SLC5A10: variants seen among roughly 807,000 people sequenced by gnomAD.
SLC5A10 encodes the protein sodium/mannose cotransporter SLC5A10.
A neutral mutation model predicts 68.9 loss-of-function variants in SLC5A10; 55 were observed. That is an observed-to-expected ratio of 0.80 (90% CI 0.64 to 1.00). The LOEUF (loss-of-function observed/expected upper bound fraction) is 1.00. Ranked by LOEUF, SLC5A10 falls within the 50% of genes least tolerant of loss-of-function variation. The pLI, the probability that SLC5A10 is intolerant of heterozygous loss-of-function variation, is 0.00. For synonymous variants in SLC5A10, 344 were observed against 344.8 expected, an observed-to-expected ratio of 1.00 and a Z score of 0.02; for missense variants, 732 against 819.3, an observed-to-expected ratio of 0.89 and a Z score of 1.30.
Position 18,988,110 on chromosome 17 carries a change from A to G in SLC5A10, c.982+11121A>G, listed in dbSNP as rs572018501. The stretch of plus-strand genomic sequence containing the variant: ...AGCAGTGGCTATGTGACTGCTTGGC[A>G]GGAGGCTCTAGGATTACTGGACTCT... On this transcript the variant is annotated intron_variant, in intron 9 of 14. Transcript: ENST00000395645. 5.3e-6 allele frequency: 7 copies of G among 1,321,676 alleles called. No homozygotes were observed. The East Asian group carries it at 1.5e-4, about 28-fold the overall frequency. 81.9% of individuals were successfully genotyped at this position (1,321,676 alleles called of 1,614,324 possible).
rs965424583 is a variant in SLC5A10, at chr17:19,017,024, G to C, written c.1241+1825G>C. Reference sequence around the variant, plus strand: ...ACCTGCAACCAAAAGTCTTGACCTGGCCTCCTGCTGCGCCAGCTCACCCAG... The same window carrying C: ...ACCTGCAACCAAAAGTCTTGACCTGCCCTCCTGCTGCGCCAGCTCACCCAG... On this transcript the variant is annotated intron_variant, in intron 11 of 14. Transcript: ENST00000395645. The surrounding 1 kb of genome is among the most constrained non-coding windows in gnomAD (Gnocchi z 5.6). Among the ~76,000 whole-genome samples the C allele has an allele frequency of 6.6e-6, 1 of 152,104 alleles. No homozygotes were observed. The highest frequency in any genetic ancestry group is 1.5e-5 in the Non-Finnish European group (1 of 68,018).
At position 18,978,865 on chromosome 17, in the gene SLC5A10, G is replaced by A. The variant is rs2043058642; in HGVS notation, c.982+1876G>A. 7.5e-6 allele frequency: 12 copies of A among 1,609,722 alleles called. No homozygotes were observed. In the East Asian group the frequency reaches 2.7e-4, roughly 36 times the overall value. On this transcript the variant is annotated intron_variant, in intron 9 of 14. Coordinates refer to ENST00000395645, the MANE Select transcript of SLC5A10 (RefSeq NM_001042450.4). ...ACCACGTGAAGCTGCAACAGAGGGA[G>A]GGGGCGCTGGTCAGGCACATGACCC...
intron 1 of SLC5A10, among the ~76,000 whole-genome samples, chr17:18,954,549 G>C (rs892542975): frequency 6.6e-6 from 1 of 152,234 alleles, no homozygotes; most frequent in Non-Finnish European, 1.5e-5. Context: ...ACCAGACAGG[G>C]AGGATGCTGG....
rs1456616413 is a variant in SLC5A10, at chr17:18,971,983, G to A, written c.846+765G>A. On this transcript the variant is annotated intron_variant, in intron 8 of 14. Transcript: ENST00000395645. The surrounding 1 kb of genome is among the most constrained non-coding windows in gnomAD (Gnocchi z 5.5). ...GGTGTAGCAAGGCAGCTTCCTCCCA[G>A]CTCACCCCCGCAGCCTCCTCTATTC... is the stretch of plus-strand genomic sequence containing the variant. Among the ~76,000 whole-genome samples the A allele has an allele frequency of 6.6e-6, 1 of 152,204 alleles. No individual in the cohort carries two copies. The highest frequency in any genetic ancestry group is 2.4e-5 in the African/African-American group (1 of 41,456).
rs987027018 is a variant in SLC5A10, at chr17:18,996,309, C to T, written c.983-17101C>T. Among the ~76,000 whole-genome samples the T allele has an allele frequency of 1.3e-5, 2 of 152,144 alleles. No individual in the cohort carries two copies. The highest frequency in any genetic ancestry group is 1.5e-5 in the Non-Finnish European group (1 of 68,012). On this transcript the variant is annotated intron_variant, in intron 9 of 14. Transcript: ENST00000395645. This position sits in a 1 kb window ranked among gnomAD's most constrained non-coding sequence, Gnocchi z 4.4. ...CCTCCAGCAGCACGGTTGGGACAGA[C>T]GTGGCTGCAGCACCTCAGTTTTTCT...
chr17:18,995,042 G>T (rs1017720530), intron 9 of SLC5A10, among the ~76,000 whole-genome samples: 2 of 152,012 alleles, frequency 1.3e-5, no homozygotes, highest in African/African-American at 4.8e-5. Flanking sequence ...CCAGAACAAG[G>T]CTCCAAAATA....
In SLC5A10 at chr17:18,971,159, T is replaced by G. The variant is rs1303113505; in HGVS notation, c.787T>G (p.Trp263Gly). 3 of 1,614,094 alleles carry G rather than the reference T, an allele frequency of 1.9e-6. No homozygotes were observed. The highest frequency in any genetic ancestry group is 2.5e-6 in the Non-Finnish European group (3 of 1,180,042). Residue 263 changes from tryptophan to glycine, a missense_variant, in exon 8 of 15, where the codon TGG becomes GGG. By Grantham distance (184) the Trp-to-Gly change is radical. Coordinates refer to ENST00000395645, the MANE Select transcript of SLC5A10 (RefSeq NM_001042450.4). The surrounding 1 kb of genome is among the most constrained non-coding windows in gnomAD (Gnocchi z 5.5). ...FRDPHTGDLP[W>G]TGMTFGLTIM... ...AGACCCCCACACAGGGGACCTGCCG[T>G]GGACCGGGATGACCTTTGGCCTGAC... is the stretch of plus-strand genomic sequence containing the variant.
intron 5 of SLC5A10, among the ~76,000 whole-genome samples, chr17:18,964,090 C>A (rs1418694362): frequency 6.6e-6 from 1 of 152,174 alleles, no homozygotes; most frequent in Non-Finnish European, 1.5e-5. Flanking sequence ...TCAAGCCTTT[C>A]CACTCTCTCC....
rs892710338 is a variant in SLC5A10, at chr17:18,996,716, A to AG, written c.983-16689dup. On this transcript the variant is annotated intron_variant, in intron 9 of 14. Coordinates refer to ENST00000395645, the MANE Select transcript of SLC5A10 (RefSeq NM_001042450.4). This position sits in a 1 kb window ranked among gnomAD's most constrained non-coding sequence, Gnocchi z 4.4. ...GGTGATGGCCACTCCCATTTTCCAG[A>AG]GGGGGTGTCACTGTCCCAGGGCCAC... Among the ~76,000 whole-genome samples the AG allele has an allele frequency of 1.8e-4, 27 of 152,246 alleles. No individual in the cohort carries two copies. Among genetic ancestry groups the AG allele is most frequent in the African/African-American group, 6.0e-4 (25 of 41,528 alleles).
At chr17:19,016,948 G>A (rs986111736) in intron 11 of SLC5A10, among the ~76,000 whole-genome samples, 1 of 152,130 alleles carries the variant, frequency 6.6e-6, no homozygotes, top group Non-Finnish European at 1.5e-5. Context: ...CCTGCCCAGT[G>A]GCCCTCATGT....
At chr17:18,967,821 T>C (rs905980144) in intron 5 of SLC5A10, among the ~76,000 whole-genome samples, 5 of 152,126 alleles carry the variant, frequency 3.3e-5, no homozygotes, top group Non-Finnish European at 5.9e-5. Context: ...CATCCTGCTC[T>C]GATATTCAGC....
chr17:19,017,024 G>A lies in SLC5A10; in HGVS notation c.1241+1825G>A, dbSNP rs965424583. Reference sequence around the variant, plus strand: ...ACCTGCAACCAAAAGTCTTGACCTGGCCTCCTGCTGCGCCAGCTCACCCAG... The same window carrying A: ...ACCTGCAACCAAAAGTCTTGACCTGACCTCCTGCTGCGCCAGCTCACCCAG... On this transcript the variant is annotated intron_variant, in intron 11 of 14. Transcript: ENST00000395645. The surrounding 1 kb of genome is among the most constrained non-coding windows in gnomAD (Gnocchi z 5.6). 6.6e-6 allele frequency among the ~76,000 whole-genome samples: 1 copy of A among 152,222 alleles called. No individual in the cohort carries two copies. The highest frequency in any genetic ancestry group is 1.9e-4 in the East Asian group (1 of 5,174).
At chr17:19,011,613 T>G in intron 9 of SLC5A10, among the ~76,000 whole-genome samples, 2 of 147,596 alleles carry the variant, frequency 1.4e-5, no homozygotes, top group Admixed American at 6.7e-5. Context: ...GGGAGGAGCA[T>G]GGGATTGGGC....
At chr17:18,969,211 A>T (rs2042777161) in intron 6 of SLC5A10, 54 bp downstream of exon 6, 3 of 1,593,622 alleles carry the variant, frequency 1.9e-6, no homozygotes, top group Non-Finnish European at 1.7e-6. Context: ...AGGGGTCAGA[A>T]GGCCACCTCC....
intron 1 of SLC5A10, among the ~76,000 whole-genome samples, chr17:18,958,078 T>C (rs2042539324): frequency 6.6e-6 from 1 of 152,208 alleles, no homozygotes; most frequent in Admixed American, 6.5e-5. Context: ...AAGATATTTG[T>C]TGTTTTTTTC....
At chr17:18,970,983 A>G (rs753395546) in intron 7 of SLC5A10, 30 bp from the exon 8 acceptor site, 6 of 1,609,548 alleles carry the variant, frequency 3.7e-6, no homozygotes, top group Non-Finnish European at 5.1e-6. Context: ...CAACCACCAA[A>G]CTGTCCCTGT....
chr17:19,013,559 T>C (rs752932231), intron 10 of SLC5A10, 42 bp downstream of exon 10: 20 of 1,386,240 alleles, frequency 1.4e-5, no homozygotes, highest in Non-Finnish European at 1.7e-5. Context: ...GGGCGTGGGG[T>C]TGGACTTGGG....
chr17:18,966,890 G>A (rs1341760575), intron 5 of SLC5A10, among the ~76,000 whole-genome samples: 1 of 152,124 alleles, frequency 6.6e-6, no homozygotes, highest in African/African-American at 2.4e-5. Flanking sequence ...CAGGGTGCCG[G>A]CAGGGTGGAG....
chr17:19,016,472 G>C (rs1184581948), intron 11 of SLC5A10, among the ~76,000 whole-genome samples: 3 of 152,192 alleles, frequency 2.0e-5, no homozygotes, highest in Non-Finnish European at 4.4e-5. Flanking sequence ...TCTGCTGCTC[G>C]GGGGTCCAGC....
Sources: gnomAD v4.1 joint callset for allele counts (sites outside exome capture counted in the v4.1 genomes callset) on GRCh38, gnomAD v4.1.1 for gene constraint, Gnocchi (gnomAD v3.1) non-coding constraint, MANE v1.5 for transcripts, NCBI Gene and HGNC (gene_info 2026-07-23, HGNC 2026-07-21) for gene names.